TSPYL1: variants seen among roughly 807,000 people sequenced by gnomAD.
TSPYL1 encodes the protein testis-specific Y-encoded-like protein 1.
In TSPYL1, 16 loss-of-function variants were observed where a neutral mutation model predicts 20.1. The ratio of observed to expected loss-of-function variants is 0.80; its 90% CI spans 0.54 to 1.21. The LOEUF (loss-of-function observed/expected upper bound fraction) is 1.21. TSPYL1 is among the 50% of genes most tolerant of loss of function. The pLI is 0.00. For synonymous variants in TSPYL1, 259 were observed against 227.1 expected (o/e 1.14, Z -1.26); for missense variants, 560 against 569.3 (o/e 0.98, Z 0.17).
At position 116,279,006 on chromosome 6, in the gene TSPYL1, G is replaced by A; in HGVS notation, c.825C>T (p.Ile275=). The stretch of plus-strand genomic sequence containing the variant: ...GAAAAGCAGTCATCCAGAAGCCCGG[G>A]ATATTCTGAATGATGTAGTTCCTCC... The part of the protein sequence containing the change: ...LERRNYIIQN[I]PGFWMTAFRN... Residue 275 remains isoleucine, a synonymous_variant, in exon 1 of 1, where the codon ATC becomes ATT. Coordinates refer to ENST00000368608, the MANE Select transcript of TSPYL1 (RefSeq NM_003309.4). 1.2e-6 allele frequency: 2 copies of A among 1,614,138 alleles called. No individual in the cohort carries two copies. The highest frequency in any genetic ancestry group is 1.7e-5 in the Admixed American group (1 of 60,022).
chr6:116,279,121 A>T lies in TSPYL1; in HGVS notation c.710T>A (p.Leu237Gln). 1 of 1,614,112 alleles carries T rather than the reference A, an allele frequency of 6.2e-7. No individual in the cohort carries two copies. The highest frequency in any genetic ancestry group is 8.5e-7 in the Non-Finnish European group (1 of 1,180,018). ...CTGAGCATTCACAGTGTCCAGTTCC[A>T]GCTGGATGGCCTCCAGAGGGTCCAT... ...LRMDPLEAIQ[L>Q]ELDTVNAQAD... The change falls in exon 1 of 1, where the codon CTG becomes CAG. Residue 237 changes from leucine to glutamine, a missense_variant. Physicochemically the swap from Leu to Gln is moderately radical, Grantham distance 113 (BLOSUM62 -2). Transcript: ENST00000368608.
At position 116,278,701 on chromosome 6, in the gene TSPYL1, A is replaced by G; in HGVS notation, c.1130T>C (p.Phe377Ser). 1 of 1,614,160 alleles carries G rather than the reference A, an allele frequency of 6.2e-7. No homozygotes were observed. The highest frequency in any genetic ancestry group is 8.5e-7 in the Non-Finnish European group (1 of 1,180,018). ...IRRNQDLICS[F>S]FTWFSDHSLP... is the part of the protein sequence containing the mutation. ...GCTGTGGTCTGAAAACCAAGTGAAG[A>G]AGCTGCAGATGAGGTCTTGGTTTCT... The change falls in exon 1 of 1, where the codon TTC (phenylalanine) becomes TCC (serine). Residue 377 changes from phenylalanine to serine, a missense_variant. Phe to Ser is a radical substitution (Grantham distance 155). Transcript: ENST00000368608.
Position 116,278,996 on chromosome 6 carries a change from A to G in TSPYL1, c.835T>C (p.Trp279Arg). The G allele has an allele frequency of 6.2e-7, 1 of 1,614,154 alleles. No individual in the cohort carries two copies. The highest frequency in any genetic ancestry group is 8.5e-7 in the Non-Finnish European group (1 of 1,180,022). ...GGGTGGTTTCGAAAAGCAGTCATCC[A>G]GAAGCCCGGGATATTCTGAATGATG... ...NYIIQNIPGF[W>R]MTAFRNHPQL... The change falls in exon 1 of 1, where the codon TGG becomes CGG. Residue 279 changes from tryptophan (W) to arginine (R), a missense_variant. By Grantham distance (101) the Trp-to-Arg change is moderately radical. Coordinates refer to ENST00000368608, the MANE Select transcript of TSPYL1 (RefSeq NM_003309.4).
In TSPYL1 at chr6:116,277,164, A is replaced by C. The variant is rs1269389937; in HGVS notation, c.*1353T>G. 2 of 152,678 alleles carry C rather than the reference A, an allele frequency of 1.3e-5. No homozygotes were observed. Among genetic ancestry groups the C allele is most frequent in the Non-Finnish European group, 2.9e-5 (2 of 68,048 alleles). 9.5% of individuals were successfully genotyped at this position (152,678 alleles called of 1,614,324 possible). A position where few individuals can be genotyped will look rare whatever the true frequency, so the allele number is the denominator to read the frequency against. On this transcript the variant is annotated 3_prime_UTR_variant, in exon 1 of 1. Coordinates refer to ENST00000368608, the MANE Select transcript of TSPYL1 (RefSeq NM_003309.4). The stretch of plus-strand genomic sequence containing the variant: ...GAATCAGAAAAAAAAATTTTACTAA[A>C]TCCTAATGAAATAACAATCTTCCAC...
rs370468326 is a variant in TSPYL1, at chr6:116,275,311, A to G, written c.*3206T>C. The stretch of plus-strand genomic sequence containing the variant: ...AGTGCTCTGTTAAAATGCAAGTGAA[A>G]GATTTAATGTTGAAAGTGTTTAGAC... On this transcript the variant is annotated 3_prime_UTR_variant, in exon 1 of 1. Coordinates refer to ENST00000368608, the MANE Select transcript of TSPYL1 (RefSeq NM_003309.4). Among the ~76,000 whole-genome samples the G allele has an allele frequency of 6.6e-6, 1 of 152,224 alleles. No individual in the cohort carries two copies. The highest frequency in any genetic ancestry group is 2.4e-5 in the African/African-American group (1 of 41,452).
chr6:116,279,181 T>G lies in TSPYL1; in HGVS notation c.650A>C (p.Glu217Ala), dbSNP rs761048040. The part of the protein sequence containing the change: ...EDRLEEEARE[E>A]EGPWPLHEAL... ...CTCATGCAAAGGCCAGGGCCCTTCT[T>G]CCTCCCTCGCCTCCTCCTCCAATCT... The change falls in exon 1 of 1, where the codon GAA becomes GCA. Residue 217 changes from glutamate (E) to alanine (A), a missense_variant. Physicochemically the swap from Glu to Ala is moderately radical, Grantham distance 107 (BLOSUM62 -1). Transcript: ENST00000368608. 7 of 1,612,414 alleles carry G rather than the reference T, an allele frequency of 4.3e-6. No individual in the cohort carries two copies. Among genetic ancestry groups the G allele is most frequent in the Non-Finnish European group, 4.2e-6 (5 of 1,179,744 alleles).
Position 116,279,596 on chromosome 6 carries a change from C to T in TSPYL1, c.235G>A (p.Gly79Ser), listed in dbSNP as rs1424079213. 6.2e-7 allele frequency: 1 copy of T among 1,602,090 alleles called. No homozygotes were observed. The highest frequency in any genetic ancestry group is 8.5e-7 in the Non-Finnish European group (1 of 1,179,788). The change falls in exon 1 of 1, where the codon GGT (glycine) becomes AGT (serine). Residue 79 changes from glycine (G) to serine (S), a missense_variant. Gly to Ser is a moderately conservative substitution (Grantham distance 56). Coordinates refer to ENST00000368608, the MANE Select transcript of TSPYL1 (RefSeq NM_003309.4). ...CCAACAACTCGGATCTGGGGAGTAC[C>T]GCCACGGCCCGCGGCATCCTGGGGT... ...GVPQDAAGRG[G>S]TPQIRVVGGR...
rs369458688 is a variant in TSPYL1 at position 116,276,631 on chromosome 6, G to A, written c.*1886C>T. On this transcript the variant is annotated 3_prime_UTR_variant, in exon 1 of 1. Transcript: ENST00000368608. ...ATTTTAATCCATTAAGAACTTTAATGGATTAAAGGACTTTAATGATTCCAT... is the reference window on the plus strand; with the variant it reads ...ATTTTAATCCATTAAGAACTTTAATAGATTAAAGGACTTTAATGATTCCAT... 1 of 151,982 alleles carries A rather than the reference G, an allele frequency of 6.6e-6. No individual in the cohort carries two copies. The highest frequency in any genetic ancestry group is 1.5e-5 in the Non-Finnish European group (1 of 67,996). 9.4% of individuals were successfully genotyped at this position (151,982 alleles called of 1,614,324 possible).
At position 116,279,732 on chromosome 6, in the gene TSPYL1, G is replaced by A. The variant is rs61746509; in HGVS notation, c.99C>T (p.Tyr33=). Residue 33 remains tyrosine (Y), a synonymous_variant, in exon 1 of 1, where the codon TAC becomes TAT. Coordinates refer to ENST00000368608, the MANE Select transcript of TSPYL1 (RefSeq NM_003309.4). ...QVPSDQDAHQ[Y]LRLRDQSEAT... The stretch of plus-strand genomic sequence containing the variant: ...CCTCGCTTTGGTCGCGGAGCCTCAG[G>A]TACTGGTGTGCGTCCTGGTCGCTCG... 6.3e-3 allele frequency: 10,143 copies of A among 1,611,712 alleles called. 61 individuals carry two copies. Among genetic ancestry groups the A allele is most frequent in the Middle Eastern group, 0.016 (95 of 6,062 alleles).
Position 116,278,395 on chromosome 6 carries a change from G to T in TSPYL1, c.*122C>A. ...GAGAACTGAATATCCAAAGGAAACA[G>T]GGTGCAGAAAAGTCAGCAAAAACAA... On this transcript the variant is annotated 3_prime_UTR_variant, in exon 1 of 1. Transcript: ENST00000368608. 7.8e-7 allele frequency: 1 copy of T among 1,275,208 alleles called. No individual in the cohort carries two copies. Among genetic ancestry groups the T allele is most frequent in the Non-Finnish European group, 1.1e-6 (1 of 889,024 alleles). The allele number at this position is 1,275,208 out of a possible 1,614,324, so 79.0% of individuals were successfully genotyped here.
In TSPYL1 at chr6:116,279,210, C is replaced by T. The variant is rs1562198139; in HGVS notation, c.621G>A (p.Glu207=). 8.1e-6 allele frequency: 13 copies of T among 1,610,166 alleles called. No homozygotes were observed. The highest frequency in any genetic ancestry group is 1.1e-5 in the Non-Finnish European group (13 of 1,179,652). The change falls in exon 1 of 1, where the codon GAG becomes GAA. Residue 207 remains glutamate (E), a synonymous_variant. Coordinates refer to ENST00000368608, the MANE Select transcript of TSPYL1 (RefSeq NM_003309.4). ...CCCTCGCCTCCTCCTCCAATCTATC[C>T]TCCTCCGCCACTTCTATTTCTTCAC... ...PEGEEIEVAE[E]DRLEEEAREE... is the part of the protein sequence containing the mutation.
At position 116,279,345 on chromosome 6, in the gene TSPYL1, G is replaced by T; in HGVS notation, c.486C>A (p.Thr162=). Residue 162 remains threonine (T), a synonymous_variant, in exon 1 of 1, where the codon ACC becomes ACA. Coordinates refer to ENST00000368608, the MANE Select transcript of TSPYL1 (RefSeq NM_003309.4). ...AEEVKTGKCA[T]VSAAVAERES... The stretch of plus-strand genomic sequence containing the variant: ...CCCTCTCAGCCACGGCTGCTGAGAC[G>T]GTGGCGCACTTTCCTGTCTTCACCT... 1 of 1,611,284 alleles carries T rather than the reference G, an allele frequency of 6.2e-7. No homozygotes were observed. Among genetic ancestry groups the T allele is most frequent in the Non-Finnish European group, 8.5e-7 (1 of 1,179,958 alleles).
Position 116,278,752 on chromosome 6 carries a change from C to T in TSPYL1, c.1079G>A (p.Gly360Glu), listed in dbSNP as rs1457759362. The T allele has an allele frequency of 1.1e-5, 17 of 1,614,080 alleles. No individual in the cohort carries two copies. Among genetic ancestry groups the T allele is most frequent in the Non-Finnish European group, 1.4e-5 (17 of 1,180,018 alleles). Residue 360 changes from glycine to glutamate, a missense_variant, in exon 1 of 1, where the codon GGG (glycine) becomes GAG (glutamate). By Grantham distance (98) the Gly-to-Glu change is moderately conservative. Coordinates refer to ENST00000368608, the MANE Select transcript of TSPYL1 (RefSeq NM_003309.4). ...SLSTPIIWRR[G>E]HEPQSFIRRN... ...GCGAATGAAGGACTGGGGTTCATGC[C>T]CCCTGCGCCATATAATTGGAGTAGA...
Position 116,278,460 on chromosome 6 carries a change from C to T in TSPYL1, c.*57G>A. The stretch of plus-strand genomic sequence containing the variant: ...CATACTCATTGCTGATGCCCAAGCA[C>T]AGGTCCAGCAGAAGGTGGTAGGAGA... On this transcript the variant is annotated 3_prime_UTR_variant, in exon 1 of 1. Transcript: ENST00000368608. The T allele has an allele frequency of 1.2e-6, 2 of 1,610,906 alleles. No homozygotes were observed. Among genetic ancestry groups the T allele is most frequent in the Non-Finnish European group, 1.7e-6 (2 of 1,178,514 alleles).
At position 116,279,858 on chromosome 6, in the gene TSPYL1, C is replaced by T; in HGVS notation, c.-28G>A. On this transcript the variant is annotated 5_prime_UTR_variant, in exon 1 of 1. Transcript: ENST00000368608. ...TGCTAACAGTCGGACCAACCGCAGGCGAACGCCCGTTTTCCTCAGAGGCCG... is the reference window on the plus strand; with the variant it reads ...TGCTAACAGTCGGACCAACCGCAGGTGAACGCCCGTTTTCCTCAGAGGCCG... 6.2e-7 allele frequency: 1 copy of T among 1,613,002 alleles called. No homozygotes were observed. The highest frequency in any genetic ancestry group is 2.2e-5 in the East Asian group (1 of 44,874).
chr6:116,279,825 G>A lies in TSPYL1; in HGVS notation c.6C>T (p.Ser2=). Residue 2 remains serine (S), a synonymous_variant, in exon 1 of 1, where the codon AGC becomes AGT. Coordinates refer to ENST00000368608, the MANE Select transcript of TSPYL1 (RefSeq NM_003309.4). ...TGGTCCTCTTGACCCCATCCAGGCC[G>A]CTCATGTTGCTAACAGTCGGACCAA... is the stretch of plus-strand genomic sequence containing the variant. M[S]GLDGVKRTTP... 3.7e-6 allele frequency: 6 copies of A among 1,613,052 alleles called. No individual in the cohort carries two copies. The highest frequency in any genetic ancestry group is 5.1e-6 in the Non-Finnish European group (6 of 1,180,034).
rs1186578989 is a variant in TSPYL1 at position 116,279,081 on chromosome 6, G to T, written c.750C>A (p.Phe250Leu). Residue 250 changes from phenylalanine (F) to leucine (L), a missense_variant, in exon 1 of 1, where the codon TTC becomes TTA. Coordinates refer to ENST00000368608, the MANE Select transcript of TSPYL1 (RefSeq NM_003309.4). The stretch of plus-strand genomic sequence containing the variant: ...GCCCAAACTTGTGCTCCAGCTGTTG[G>T]AAGGCCCTGTCGGCCTGAGCATTCA... ...DTVNAQADRAFQQLEHKFGRM... is the reference protein window; with the variant it reads ...DTVNAQADRALQQLEHKFGRM... 1.9e-6 allele frequency: 3 copies of T among 1,613,502 alleles called. No individual in the cohort carries two copies. The South Asian group carries it at 3.3e-5, about 18-fold the overall frequency.
Position 116,277,471 on chromosome 6 carries a change from CTCTT to C in TSPYL1, c.*1042_*1045del, listed in dbSNP as rs1347284749. On this transcript the variant is annotated 3_prime_UTR_variant, in exon 1 of 1. Transcript: ENST00000368608. ...CCTTTCATCCCATCTAGATGTGTCT[CTCTT>C]TAACTATTCTAGGAGTTGATAAAAG... 1 of 152,460 alleles carries C rather than the reference CTCTT, an allele frequency of 6.6e-6. No individual in the cohort carries two copies. Among genetic ancestry groups the C allele is most frequent in the African/African-American group, 2.4e-5 (1 of 41,424 alleles). 9.4% of individuals were successfully genotyped at this position (152,460 alleles called of 1,614,324 possible). A position where few individuals can be genotyped will look rare whatever the true frequency, so the allele number is the denominator to read the frequency against.
At position 116,279,301 on chromosome 6, in the gene TSPYL1, T is replaced by A; in HGVS notation, c.530A>T (p.Lys177Met). The change falls in exon 1 of 1, where the codon AAG becomes ATG. Residue 177 changes from lysine (K) to methionine (M), a missense_variant. Physicochemically the swap from Lys to Met is moderately conservative, Grantham distance 95. Coordinates refer to ENST00000368608, the MANE Select transcript of TSPYL1 (RefSeq NM_003309.4). The stretch of plus-strand genomic sequence containing the variant: ...TACCTCCTTCTCCGCCAGGCCTTCC[T>A]TCACCACCTCAGCGCTCTCCCTCTC... ...VAERESAEVVKEGLAEKEVME... is the reference protein window; with the variant it reads ...VAERESAEVVMEGLAEKEVME... 1.4e-6 allele frequency: 2 copies of A among 1,388,740 alleles called. No individual in the cohort carries two copies. Among genetic ancestry groups the A allele is most frequent in the Non-Finnish European group, 1.9e-6 (2 of 1,048,666 alleles). The allele number at this position is 1,388,740 out of a possible 1,614,324, so 86.0% of individuals were successfully genotyped here. A position where few individuals can be genotyped will look rare whatever the true frequency, so the allele number is the denominator to read the frequency against.
Sources: allele counts gnomAD v4.1 joint callset (sites outside exome capture counted in the v4.1 genomes callset), GRCh38; gene constraint gnomAD v4.1.1; transcripts MANE v1.5; gene names NCBI Gene and HGNC (gene_info 2026-07-23, HGNC 2026-07-21).